RNF146: variants seen among roughly 807,000 people sequenced by gnomAD.
The protein encoded by RNF146 is ring finger protein 146.
Under a neutral mutation model 29.7 loss-of-function variants are expected in RNF146, and 11 were observed. The observed-to-expected ratio is 0.37, with a 90% CI of 0.23 to 0.61. The LOEUF is 0.61. Ranked by LOEUF, RNF146 falls within the 20% of genes least tolerant of loss-of-function variation. The pLI is 0.66. For missense variants in RNF146, 342 were observed against 438.9 expected (o/e 0.78, Z 1.97); for synonymous variants, 150 against 159.7 (o/e 0.94, Z 0.46).
intron 1 of RNF146, among the ~76,000 whole-genome samples, chr6:127,277,637 A>G (rs1309087330): frequency 6.6e-6 from 1 of 152,110 alleles, no homozygotes; most frequent in African/African-American, 2.4e-5. Context: ...CATCCAGTAC[A>G]GGAGAAAGAT....
At chr6:127,278,422 G>A (rs1417004887) in intron 1 of RNF146, among the ~76,000 whole-genome samples, 1 of 150,792 alleles carries the variant, frequency 6.6e-6, no homozygotes, top group Non-Finnish European at 1.5e-5. Context: ...CTATGAATTT[G>A]CCTATTCTTG....
chr6:127,276,804 C>G (rs1778272328), intron 1 of RNF146, among the ~76,000 whole-genome samples: 2 of 151,986 alleles, frequency 1.3e-5, no homozygotes. Context: ...TTAATTTCTT[C>G]AAATTTAGGA....
chr6:127,267,737 T>TTC (rs1776867049), intron 1 of RNF146, among the ~76,000 whole-genome samples: 1 of 152,184 alleles, frequency 6.6e-6, no homozygotes, highest in Non-Finnish European at 1.5e-5. Context: ...TTAAGAGATC[T>TTC]CAGAATATCC....
chr6:127,286,475 C>T lies in RNF146; in HGVS notation c.3-141C>T, dbSNP rs1779529386. 1.2e-6 allele frequency: 1 copy of T among 868,662 alleles called. No homozygotes were observed. The highest frequency in any genetic ancestry group is 1.7e-5 in the African/African-American group (1 of 58,472). The allele number at this position is 868,662 out of a possible 1,614,324, so 53.8% of individuals were successfully genotyped here. On this transcript the variant is annotated intron_variant, in intron 2 of 2. Transcript: ENST00000368314. This position sits in a 1 kb window ranked among gnomAD's most constrained non-coding sequence, Gnocchi z 4.6. ...CATCGGTTGGAGAGTTTTTCCTCTA[C>T]TTTCATCTTCATATCCCCATTGTCT...
chr6:127,273,327 CA>C (rs1220996550), intron 1 of RNF146, among the ~76,000 whole-genome samples: 4 of 152,160 alleles, frequency 2.6e-5, no homozygotes, highest in Non-Finnish European at 5.9e-5. Flanking sequence ...TGCATCTTTA[CA>C]TTTGTTTAAA....
intron 2 of RNF146, among the ~76,000 whole-genome samples, chr6:127,285,557 A>T (rs1204783316): frequency 7.5e-6 from 1 of 133,494 alleles, no homozygotes; most frequent in African/African-American, 2.8e-5. Flanking sequence ...ACCATGGGGA[A>T]AAAAATTAGA....
intron 1 of RNF146, among the ~76,000 whole-genome samples, chr6:127,278,333 CAG>C (rs955221708): frequency 6.6e-6 from 1 of 151,930 alleles, no homozygotes; most frequent in Non-Finnish European, 1.5e-5. Flanking sequence ...GCATTACAAA[CAG>C]AAACTCTGTA....
intron 2 of RNF146, among the ~76,000 whole-genome samples, chr6:127,282,977 C>G (rs1412567015): frequency 1.3e-5 from 2 of 151,720 alleles, no homozygotes; most frequent in Non-Finnish European, 2.9e-5. Context: ...TTCTTGAATA[C>G]TACACATACT....
rs553239967 is a variant in RNF146 at position 127,280,930 on chromosome 6, A to G, written c.2+590A>G. 3.1e-3 allele frequency among the ~76,000 whole-genome samples: 477 copies of G among 151,808 alleles called. 3 individuals carry two copies. The highest frequency in any genetic ancestry group is 5.5e-3 in the Non-Finnish European group (371 of 67,716). ...TTTAACTTCACCGTATTGATGAAAC[A>G]TTTTTCACTATGAATATATTTCTGT... On this transcript the variant is annotated intron_variant, in intron 2 of 2. Transcript: ENST00000368314.
At chr6:127,274,773 T>C (rs1332587553) in intron 1 of RNF146, among the ~76,000 whole-genome samples, 1 of 152,020 alleles carries the variant, frequency 6.6e-6, no homozygotes, top group Non-Finnish European at 1.5e-5. Flanking sequence ...AAACTTCAAG[T>C]TAGAATTGTG....
intron 1 of RNF146, among the ~76,000 whole-genome samples, chr6:127,275,060 G>A (rs1778015584): frequency 6.6e-6 from 1 of 152,184 alleles, no homozygotes; most frequent in South Asian, 2.1e-4. Context: ...TGGAACACTT[G>A]TTGGGAGACC....
chr6:127,267,812 G>A (rs1199424023), intron 1 of RNF146, among the ~76,000 whole-genome samples: 1 of 152,130 alleles, frequency 6.6e-6, no homozygotes, highest in Non-Finnish European at 1.5e-5. Context: ...ATTGTTGGGT[G>A]GGGAGTTCTC....
intron 2 of RNF146, among the ~76,000 whole-genome samples, chr6:127,283,481 C>T (rs1451967090): frequency 1.3e-5 from 2 of 151,764 alleles, no homozygotes; most frequent in Non-Finnish European, 3.0e-5. Flanking sequence ...CATCTGCATA[C>T]ATTTAGTCTC....
intron 1 of RNF146, among the ~76,000 whole-genome samples, chr6:127,276,246 T>G (rs1778193535): frequency 6.6e-6 from 1 of 152,022 alleles, no homozygotes; most frequent in Admixed American, 6.6e-5. Flanking sequence ...ATAATCAGGC[T>G]GAACAATAGT....
intron 2 of RNF146, among the ~76,000 whole-genome samples, chr6:127,284,881 T>G (rs1422010002): frequency 3.3e-5 from 5 of 151,906 alleles, no homozygotes; most frequent in Non-Finnish European, 5.9e-5. Flanking sequence ...TGTGATTTTT[T>G]TTTTTAGCTT....
Position 127,286,976 on chromosome 6 carries a change from T to G in RNF146, c.363T>G (p.Thr121=). 1 of 1,613,372 alleles carries G rather than the reference T, an allele frequency of 6.2e-7. No homozygotes were observed. Among genetic ancestry groups the G allele is most frequent in the Non-Finnish European group, 8.5e-7 (1 of 1,179,602 alleles). ...RNGWWQYDER[T]SRELEDAFSK... is the part of the protein sequence containing the mutation. Reference sequence around the variant, plus strand: ...GGTGGTGGCAGTACGATGAGCGCACTAGTAGAGAGCTGGAAGATGCTTTTT... The same window carrying G: ...GGTGGTGGCAGTACGATGAGCGCACGAGTAGAGAGCTGGAAGATGCTTTTT... The change falls in exon 3 of 3, where the codon ACT becomes ACG. Residue 121 remains threonine (T), a synonymous_variant. Transcript: ENST00000368314. This position sits in a 1 kb window ranked among gnomAD's most constrained non-coding sequence, Gnocchi z 4.6.
chr6:127,281,282 C>G (rs563924873), intron 2 of RNF146, among the ~76,000 whole-genome samples: 37 of 151,480 alleles, frequency 2.4e-4, no homozygotes, highest in Non-Finnish European at 4.7e-4. Flanking sequence ...TTTATTTAAT[C>G]CTGTCCATTT....
Position 127,275,713 on chromosome 6 carries a change from T to G in RNF146, c.-108-4518T>G, listed in dbSNP as rs9491723. ...AGGTAGTCAGAGAAAATGGTAGAGA[T>G]AACCATTTCTGTGTAATATATTAAA... is the stretch of plus-strand genomic sequence containing the variant. On this transcript the variant is annotated intron_variant, in intron 1 of 2. Coordinates refer to ENST00000368314, the MANE Select transcript of RNF146 (RefSeq NM_001242850.2). Among the ~76,000 whole-genome samples, 592 of 152,180 alleles carry G rather than the reference T, an allele frequency of 3.9e-3. 7 individuals are homozygous for G. The highest frequency in any genetic ancestry group is 0.013 in the African/African-American group (560 of 41,542).
At chr6:127,269,093 C>G (rs1404739994) in intron 1 of RNF146, among the ~76,000 whole-genome samples, 1 of 152,174 alleles carries the variant, frequency 6.6e-6, no homozygotes, top group Non-Finnish European at 1.5e-5. Context: ...CCTGAGGAAT[C>G]TGAATTTGTG....
Sources: gnomAD v4.1 joint callset for allele counts (sites outside exome capture counted in the v4.1 genomes callset) on GRCh38, gnomAD v4.1.1 for gene constraint, Gnocchi (gnomAD v3.1) non-coding constraint, MANE v1.5 for transcripts, NCBI Gene and HGNC (gene_info 2026-07-23, HGNC 2026-07-21) for gene names.